The following EDEM3 variants were observed in gnomAD, a reference collection of about 807,000 sequenced individuals.
The protein encoded by EDEM3 is ER degradation-enhancing alpha-mannosidase-like protein 3.
In EDEM3, 60 loss-of-function variants were observed where a neutral mutation model predicts 110.2. The ratio of observed to expected loss-of-function variants is 0.54; its 90% CI spans 0.44 to 0.67. The LOEUF (loss-of-function observed/expected upper bound fraction) is 0.67. EDEM3 is among the 30% of genes least tolerant of loss of function. The probability of loss-of-function intolerance (pLI) is 0.00; values close to 1 mark genes in which losing one functional copy is unlikely to be tolerated. For missense variants in EDEM3, 996 were observed against 1,121.0 expected (o/e 0.89, Z 1.59); for synonymous variants, 352 against 382.9 (o/e 0.92, Z 0.94).
At position 184,754,857 on chromosome 1, in the gene EDEM3, G is replaced by C; in HGVS notation, c.-211C>G. 1 of 768,034 alleles carries C rather than the reference G, an allele frequency of 1.3e-6. No homozygotes were observed. The highest frequency in any genetic ancestry group is 1.9e-6 in the Non-Finnish European group (1 of 514,224). 47.6% of individuals were successfully genotyped at this position (768,034 alleles called of 1,614,324 possible). A position where few individuals can be genotyped will look rare whatever the true frequency, so the allele number is the denominator to read the frequency against. The stretch of plus-strand genomic sequence containing the variant: ...CGCCCTCCGCCCTCAGTATCCCGGA[G>C]CGCCTCCCCCAGCTTTCCGGTGTCG... On this transcript the variant is annotated 5_prime_UTR_variant, in exon 1 of 20. Coordinates refer to ENST00000318130, the MANE Select transcript of EDEM3 (RefSeq NM_025191.4).
intron 4 of EDEM3, among the ~76,000 whole-genome samples, chr1:184,736,086 C>T (rs932575605): frequency 6.6e-6 from 1 of 152,142 alleles, no homozygotes; most frequent in African/African-American, 2.4e-5. Flanking sequence ...ATCTAACAAT[C>T]GTGATTTTTC....
intron 2 of EDEM3, among the ~76,000 whole-genome samples, chr1:184,738,478 C>G (rs1367095157): frequency 2.0e-5 from 3 of 152,126 alleles, no homozygotes; most frequent in Non-Finnish European, 4.4e-5. Flanking sequence ...AACAATGAAG[C>G]AATAAACACC....
intron 18 of EDEM3, among the ~76,000 whole-genome samples, chr1:184,706,411 C>G (rs1649930095): frequency 6.6e-6 from 1 of 152,076 alleles, no homozygotes. Flanking sequence ...ACCCTCACAC[C>G]TAAACCCAAG....
At chr1:184,696,930 G>C (rs1229030376) in intron 19 of EDEM3, among the ~76,000 whole-genome samples, 1 of 151,710 alleles carries the variant, frequency 6.6e-6, no homozygotes, top group African/African-American at 2.4e-5. Flanking sequence ...TGATGTAATC[G>C]GACAAGAAAG....
chr1:184,700,230 T>C (rs943463384), intron 19 of EDEM3, among the ~76,000 whole-genome samples: 1 of 151,912 alleles, frequency 6.6e-6, no homozygotes, highest in East Asian at 1.9e-4. Context: ...CATGGACTTA[T>C]CAGAAGAAGA....
In EDEM3 at chr1:184,692,711, A is replaced by T. The variant is rs1180374475; in HGVS notation, c.*1352T>A. The stretch of plus-strand genomic sequence containing the variant: ...TGATTTCAACAACAGGGCTGTCTAC[A>T]AACATCAACAACAAAATTTAAAAAT... On this transcript the variant is annotated 3_prime_UTR_variant, in exon 20 of 20. Coordinates refer to ENST00000318130, the MANE Select transcript of EDEM3 (RefSeq NM_025191.4). 1 of 151,750 alleles carries T rather than the reference A, an allele frequency of 6.6e-6. No homozygotes were observed. The highest frequency in any genetic ancestry group is 1.5e-5 in the Non-Finnish European group (1 of 67,902). 9.4% of individuals were successfully genotyped at this position (151,750 alleles called of 1,614,324 possible).
chr1:184,731,224 GAAAT>G lies in EDEM3; in HGVS notation c.612+1609_612+1612del, dbSNP rs749716950. The stretch of plus-strand genomic sequence containing the variant: ...GAGTAATAGTGTTAATAAAGAATGA[GAAAT>G]AAATCAGAAGAGCTATTTCCATCTT... On this transcript the variant is annotated intron_variant, in intron 6 of 19. Transcript: ENST00000318130. 1.8e-3 allele frequency among the ~76,000 whole-genome samples: 272 copies of G among 152,260 alleles called. 2 individuals carry two copies. The highest frequency in any genetic ancestry group is 4.3e-3 in the Admixed American group (66 of 15,294).
intron 4 of EDEM3, among the ~76,000 whole-genome samples, chr1:184,735,411 T>C (rs1056862740): frequency 3.9e-5 from 6 of 152,208 alleles, no homozygotes; most frequent in African/African-American, 1.4e-4. Flanking sequence ...ATTCTTGCAA[T>C]GAGCAGCAAA....
Position 184,719,588 on chromosome 1 carries a change from G to A in EDEM3, c.952-20C>T, listed in dbSNP as rs1650765162. 3 of 1,610,568 alleles carry A rather than the reference G, an allele frequency of 1.9e-6. No homozygotes were observed. The African/African-American group carries it at 4.0e-5, about 22-fold the overall frequency. Reference sequence around the variant, plus strand: ...ATAGTGCTAAAAGATCACAACATGTGTTCATGAAAGTTAGATGAAAAAAGA... The same window carrying A: ...ATAGTGCTAAAAGATCACAACATGTATTCATGAAAGTTAGATGAAAAAAGA... On this transcript the variant is annotated intron_variant, in intron 9 of 19. Transcript: ENST00000318130.
Position 184,713,811 on chromosome 1 carries a change from T to C in EDEM3, c.1371-1213A>G, listed in dbSNP as rs141846951. Among the ~76,000 whole-genome samples the C allele has an allele frequency of 2.8e-3, 426 of 152,350 alleles. 5 individuals carry two copies. The East Asian group carries it at 0.035, about 13-fold the overall frequency. ...GACTATGAGCTTCAGTTTATTCTTC[T>C]GTAAAAGGAATATAACAATACACTC... is the stretch of plus-strand genomic sequence containing the variant. On this transcript the variant is annotated intron_variant, in intron 13 of 19. Transcript: ENST00000318130.
At chr1:184,747,416 C>T (rs1652493325) in intron 2 of EDEM3, among the ~76,000 whole-genome samples, 1 of 151,994 alleles carries the variant, frequency 6.6e-6, no homozygotes, top group African/African-American at 2.4e-5. Context: ...TACAAGGCAA[C>T]TGTATTCTCG....
Position 184,701,481 on chromosome 1 carries a change from A to G in EDEM3, c.2389+1330T>C, listed in dbSNP as rs928110710. 8.6e-5 allele frequency: 109 copies of G among 1,262,086 alleles called. No individual in the cohort carries two copies. In the African/African-American group the frequency reaches 1.3e-3, roughly 15 times the overall value. 78.2% of individuals were successfully genotyped at this position (1,262,086 alleles called of 1,614,324 possible). A position where few individuals can be genotyped will look rare whatever the true frequency, so the allele number is the denominator to read the frequency against. On this transcript the variant is annotated intron_variant, in intron 19 of 19. Coordinates refer to ENST00000318130, the MANE Select transcript of EDEM3 (RefSeq NM_025191.4). ...ATACGTATATAATTTAAGGCTTGTT[A>G]ATGCAAGATACTTACTACTATTAAT... is the stretch of plus-strand genomic sequence containing the variant.
intron 1 of EDEM3, among the ~76,000 whole-genome samples, chr1:184,752,018 G>T (rs773450908): frequency 6.6e-6 from 1 of 152,238 alleles, no homozygotes; most frequent in Non-Finnish European, 1.5e-5. Flanking sequence ...CTCCCAAAGT[G>T]CTGGGATTAC....
At chr1:184,729,852 C>T (rs781342461) in intron 6 of EDEM3, among the ~76,000 whole-genome samples, 89 of 152,204 alleles carry the variant, frequency 5.8e-4, no homozygotes, top group Non-Finnish European at 8.8e-4. Context: ...TCTCATGTTA[C>T]GGCAAAAGTA....
chr1:184,720,694 T>C (rs1175945849), intron 9 of EDEM3: 3 of 152,448 alleles, frequency 2.0e-5, no homozygotes, highest in Admixed American at 2.0e-4. Flanking sequence ...AGCAAGGAAA[T>C]GGTAGATTAG....
At chr1:184,704,649 C>CAAA (rs58913815) in intron 18 of EDEM3, among the ~76,000 whole-genome samples, 2,403 of 29,840 alleles carry the variant, frequency 0.081, 422 homozygotes, top group Non-Finnish European at 0.086. Flanking sequence ...GACTCTGTCT[C>CAAA]AAAAAAAAAA....
rs1213640644 is a variant in EDEM3 at position 184,719,534 on chromosome 1, G to A, written c.986C>T (p.Pro329Leu). 6.2e-7 allele frequency: 1 copy of A among 1,613,930 alleles called. No individual in the cohort carries two copies. The highest frequency in any genetic ancestry group is 1.3e-5 in the African/African-American group (1 of 74,992). Reference sequence around the variant, plus strand: ...GATATGCACATCAAGTAGAAGAGGTGGCTGGCTAATATACCTCATTATGGC... The same window carrying A: ...GATATGCACATCAAGTAGAAGAGGTAGCTGGCTAATATACCTCATTATGGC... ...YDAIMRYISQ[P>L]PLLLDVHIHK... The change falls in exon 10 of 20, where the codon CCA becomes CTA. Residue 329 changes from proline (P) to leucine (L), a missense_variant. Coordinates refer to ENST00000318130, the MANE Select transcript of EDEM3 (RefSeq NM_025191.4).
At position 184,745,407 on chromosome 1, in the gene EDEM3, C is replaced by T. The variant is rs139557187; in HGVS notation, c.204+4140G>A. Among the ~76,000 whole-genome samples the T allele has an allele frequency of 2.9e-3, 434 of 152,148 alleles. 5 individuals carry two copies. The East Asian group carries it at 0.036, about 13-fold the overall frequency. ...TACTTTGTTTACAGAATTACTGTTT[C>T]TGATGAATGAACCATTAAAGAGAAA... On this transcript the variant is annotated intron_variant, in intron 2 of 19. Coordinates refer to ENST00000318130, the MANE Select transcript of EDEM3 (RefSeq NM_025191.4).
Position 184,737,682 on chromosome 1 carries a change from CA to C in EDEM3, c.233del (p.Met78SerfsTer3). 2 of 1,613,916 alleles carry C rather than the reference CA, an allele frequency of 1.2e-6. No individual in the cohort carries two copies. Among genetic ancestry groups the C allele is most frequent in the Non-Finnish European group, 1.7e-6 (2 of 1,179,866 alleles). ...MEHAYPADEL[M>X]PLTCRGRVRG... is the part of the protein sequence containing the mutation. ...TAACTCGACCTCTACAGGTTAAAGG[CA>C]TGAGTTCATCAGCAGGGTAAGCATG... On this transcript the variant is annotated frameshift_variant, in exon 3 of 20. Transcript: ENST00000318130. LOFTEE classifies it high-confidence loss of function.
Sources: allele counts gnomAD v4.1 joint callset (sites outside exome capture counted in the v4.1 genomes callset), GRCh38; gene constraint gnomAD v4.1.1; transcripts MANE v1.5; gene names NCBI Gene and HGNC (gene_info 2026-07-23, HGNC 2026-07-21).